OTOGL: variants seen among roughly 807,000 people sequenced by gnomAD.
The protein encoded by OTOGL is otogelin like, also known as otogelin-like protein.
Under a neutral mutation model 318.5 loss-of-function variants are expected in OTOGL, and 285 were observed. The observed-to-expected ratio is 0.89, with a 90% CI of 0.81 to 0.99. The LOEUF (loss-of-function observed/expected upper bound fraction) is 0.99, where lower values mean the gene tolerates loss of function less well. OTOGL is among the 50% of genes least tolerant of loss of function. The probability of loss-of-function intolerance (pLI) is 0.00; values close to 1 mark genes in which losing one functional copy is unlikely to be tolerated. For missense variants in OTOGL, 2,899 were observed against 2,845.6 expected, an observed-to-expected ratio of 1.02 and a Z score of -0.43; for synonymous variants, 987 against 936.5, an observed-to-expected ratio of 1.05 and a Z score of -0.99.
rs1171784905 is a variant in OTOGL, at chr12:80,339,319, T to TC, written c.5050+55_5050+56insC. ...GTCTGTTTTTTTTTTTTTTTTTTTT[T>TC]TTTTCTATTCACGCTATGCCATTTT... On this transcript the variant is annotated intron_variant, in intron 43 of 58. Transcript: ENST00000547103. 11 of 1,304,428 alleles carry TC rather than the reference T, an allele frequency of 8.4e-6. No homozygotes were observed. The African/African-American group carries it at 1.4e-4, about 17-fold the overall frequency. 80.8% of individuals were successfully genotyped at this position (1,304,428 alleles called of 1,614,324 possible).
intron 44 of OTOGL, among the ~76,000 whole-genome samples, chr12:80,344,216 C>T (rs1160610290): frequency 6.6e-6 from 1 of 152,188 alleles, no homozygotes; most frequent in Non-Finnish European, 1.5e-5. Context: ...CCACTTTAGT[C>T]TGTCTTTTTA....
At chr12:80,318,816 T>A (rs894438605) in intron 33 of OTOGL, 103 bp downstream of exon 33, 6 of 871,770 alleles carry the variant, frequency 6.9e-6, no homozygotes, top group Admixed American at 4.3e-5. Context: ...TGGTATTTTT[T>A]AAAAGTGCTC....
chr12:80,110,209 A>C (rs866028043), intron 1 of OTOGL, among the ~76,000 whole-genome samples: 12 of 151,854 alleles, frequency 7.9e-5, no homozygotes, highest in Middle Eastern at 3.4e-3. Context: ...CTGGGACTAC[A>C]GGCGCCCGCC....
chr12:80,351,007 T>C (rs1193586131), intron 44 of OTOGL, among the ~76,000 whole-genome samples: 3 of 152,266 alleles, frequency 2.0e-5, no homozygotes, highest in East Asian at 1.9e-4. Context: ...TTTTCCTCTG[T>C]TTTTGTCTAG....
rs555744900 is a variant in OTOGL, at chr12:80,320,608, G to T, written c.3989G>T (p.Gly1330Val). Residue 1330 changes from glycine (G) to valine (V), a missense_variant, in exon 34 of 59, where the codon GGC (glycine) becomes GTC (valine). Transcript: ENST00000547103. ...YSAFELYSKKGFFIIFTDSSV... is the reference protein window; with the variant it reads ...YSAFELYSKKVFFIIFTDSSV... ...GCATTTGAGTTATACAGCAAGAAAGGCTTTTTCATCATATTCACAGATTCT... is the reference window on the plus strand; with the variant it reads ...GCATTTGAGTTATACAGCAAGAAAGTCTTTTTCATCATATTCACAGATTCT... The T allele has an allele frequency of 5.6e-6, 9 of 1,612,134 alleles. No homozygotes were observed. Among genetic ancestry groups the T allele is most frequent in the East Asian group, 2.2e-5 (1 of 44,866 alleles).
intron 5 of OTOGL, 142 bp from the exon 6 acceptor site, chr12:80,219,672 C>T (rs1443374817): frequency 3.0e-6 from 2 of 665,080 alleles, no homozygotes; most frequent in Non-Finnish European, 5.3e-6. Flanking sequence ...GGGTTTAGTT[C>T]TTTAGCTTAG....
chr12:80,291,051 A>G (rs1885010147), intron 26 of OTOGL, among the ~76,000 whole-genome samples: 1 of 152,184 alleles, frequency 6.6e-6, no homozygotes, highest in African/African-American at 2.4e-5. Flanking sequence ...TGTAGCATTT[A>G]TCATTGTCAT....
At chr12:80,323,697 A>G in intron 34 of OTOGL, 26 bp from the exon 35 acceptor site, 1 of 1,540,598 alleles carries the variant, frequency 6.5e-7, no homozygotes, top group Non-Finnish European at 9.0e-7. Context: ...AAATATGCAC[A>G]CAATCTAAAC....
intron 1 of OTOGL, among the ~76,000 whole-genome samples, chr12:80,124,940 T>A (rs1870722146): frequency 6.6e-6 from 1 of 152,244 alleles, no homozygotes; most frequent in Non-Finnish European, 1.5e-5. Flanking sequence ...GATTTTGGGC[T>A]GAGACAATGG....
intron 1 of OTOGL, among the ~76,000 whole-genome samples, chr12:80,125,491 A>C (rs1227625597): frequency 1.3e-5 from 2 of 152,156 alleles, no homozygotes; most frequent in Non-Finnish European, 2.9e-5. Context: ...ATATTGGTCT[A>C]AAATTCTCTT....
At chr12:80,103,358 C>T (rs1319912806) in intron 1 of OTOGL, 5 of 1,174,284 alleles carry the variant, frequency 4.3e-6, no homozygotes, top group Non-Finnish European at 6.3e-6. Flanking sequence ...CTTCGGTGAT[C>T]GATCTTCTTT....
intron 1 of OTOGL, among the ~76,000 whole-genome samples, chr12:80,200,151 C>A (rs1876359202): frequency 6.6e-6 from 1 of 152,116 alleles, no homozygotes; most frequent in African/African-American, 2.4e-5. Flanking sequence ...AAATCAAGAT[C>A]CCAGCTCTTA....
intron 1 of OTOGL, among the ~76,000 whole-genome samples, chr12:80,156,641 T>C (rs1438387662): frequency 2.0e-5 from 3 of 152,174 alleles, no homozygotes; most frequent in African/African-American, 7.2e-5. Flanking sequence ...TCTGATCATT[T>C]TATAACGAGG....
chr12:80,339,745 A>G (rs1888648682), intron 43 of OTOGL, among the ~76,000 whole-genome samples: 1 of 152,154 alleles, frequency 6.6e-6, no homozygotes, highest in Non-Finnish European at 1.5e-5. Flanking sequence ...TCATCTTGAA[A>G]GAACATACCA....
chr12:80,360,768 C>A (rs989915955), intron 52 of OTOGL, among the ~76,000 whole-genome samples: 2 of 151,932 alleles, frequency 1.3e-5, no homozygotes, highest in African/African-American at 4.8e-5. Context: ...GTGTGAGCCA[C>A]CGCGCCTGGC....
In OTOGL at chr12:80,108,936, G is replaced by GTGTGTATATATATATATATA. The variant is rs1555268621; in HGVS notation, c.-20+9332_-20+9333insGTGTATATATATATATATAT. Among the ~76,000 whole-genome samples, 87 of 128,216 alleles carry GTGTGTATATATATATATATA rather than the reference G, an allele frequency of 6.8e-4. 1 individual carries two copies. The highest frequency in any genetic ancestry group is 2.6e-3 in the African/African-American group (82 of 31,256). The allele number at this position is 128,216 out of a possible 152,430, so 84.1% of individuals were successfully genotyped here. A position where few individuals can be genotyped will look rare whatever the true frequency, so the allele number is the denominator to read the frequency against. ...TATATGTGTATATATATATGTGTGT[G>GTGTGTATATATATATATATA]TATATATATATATATATACACACAC... On this transcript the variant is annotated intron_variant, in intron 1 of 58. Transcript: ENST00000547103.
chr12:80,138,693 A>G (rs1871734973), intron 1 of OTOGL, among the ~76,000 whole-genome samples: 1 of 152,222 alleles, frequency 6.6e-6, no homozygotes, highest in African/African-American at 2.4e-5. Context: ...AAGAAAATAT[A>G]AAGTCTAATT....
chr12:80,276,316 A>G (rs993376085), intron 24 of OTOGL, among the ~76,000 whole-genome samples: 1 of 151,818 alleles, frequency 6.6e-6, no homozygotes, highest in African/African-American at 2.4e-5. Flanking sequence ...AATCTACCTT[A>G]GGGGACTGTC....
At chr12:80,108,858 GTGTATATATA>G (rs1255667919) in intron 1 of OTOGL, among the ~76,000 whole-genome samples, 4 of 92,782 alleles carry the variant, frequency 4.3e-5, no homozygotes, top group Admixed American at 2.1e-4. Flanking sequence ...GTATATATAT[GTGTATATATA>G]TGTGTATATA....
Sources: gnomAD v4.1 joint callset for allele counts (sites outside exome capture counted in the v4.1 genomes callset) on GRCh38, gnomAD v4.1.1 for gene constraint, MANE v1.5 for transcripts, NCBI Gene and HGNC (gene_info 2026-07-23, HGNC 2026-07-21) for gene names.